OSBPL2: variants seen among roughly 807,000 people sequenced by gnomAD.
OSBPL2 encodes oxysterol-binding protein-related protein 2.
Under a neutral mutation model 58.4 loss-of-function variants are expected in OSBPL2, and 18 were observed. That is an observed-to-expected ratio of 0.31 (90% CI 0.21 to 0.46). The LOEUF (loss-of-function observed/expected upper bound fraction) is 0.46. Among genes scored for constraint, OSBPL2 ranks in the 20% least tolerant of loss-of-function variants. The pLI is 1.00. For missense variants in OSBPL2, 461 were observed against 616.5 expected (o/e 0.75, Z 2.67); for synonymous variants, 221 against 234.1 (o/e 0.94, Z 0.51).
chr20:62,273,513 CTGTT>C (rs1982199883), intron 6 of OSBPL2, 107 bp downstream of exon 6: 4 of 916,612 alleles, frequency 4.4e-6, no homozygotes, highest in Non-Finnish European at 6.8e-6. Flanking sequence ...TGAGAATAAA[CTGTT>C]TGAATTAAGA....
In OSBPL2 at chr20:62,280,072, G is replaced by A. The variant is rs1298467225; in HGVS notation, c.674+733G>A. On this transcript the variant is annotated intron_variant, in intron 7 of 13. Coordinates refer to ENST00000313733, the MANE Select transcript of OSBPL2 (RefSeq NM_144498.4). ...CAACAAATGCCGGCCGCTAAGACCC[G>A]ACAGACACAGACCGGATGCTGGCGT... The A allele has an allele frequency of 1.3e-5, 17 of 1,304,284 alleles. No homozygotes were observed. In the East Asian group the frequency reaches 2.2e-4, roughly 17 times the overall value. 80.8% of individuals were successfully genotyped at this position (1,304,284 alleles called of 1,614,324 possible).
intron 3 of OSBPL2, among the ~76,000 whole-genome samples, chr20:62,263,262 C>T (rs1156471673): frequency 6.6e-6 from 1 of 152,168 alleles, no homozygotes; most frequent in Non-Finnish European, 1.5e-5. Context: ...CTGGCCGCTG[C>T]CCCAGGGACC....
At chr20:62,245,055 CGT>C (rs1980010587) in intron 1 of OSBPL2, among the ~76,000 whole-genome samples, 1 of 151,752 alleles carries the variant, frequency 6.6e-6, no homozygotes, top group Non-Finnish European at 1.5e-5. Flanking sequence ...TTGAGCCATT[CGT>C]GTGTCCACGC....
intron 5 of OSBPL2, among the ~76,000 whole-genome samples, chr20:62,272,986 G>A (rs903429697): frequency 2.0e-5 from 3 of 152,240 alleles, no homozygotes; most frequent in Non-Finnish European, 4.4e-5. Flanking sequence ...TGCTTGGGGT[G>A]TGTGTGTTGA....
Position 62,288,549 on chromosome 20 carries a change from G to A in OSBPL2, c.1126-658G>A, listed in dbSNP as rs1983286307. Among the ~76,000 whole-genome samples, 1 of 148,178 alleles carries A rather than the reference G, an allele frequency of 6.7e-6. No individual in the cohort carries two copies. The highest frequency in any genetic ancestry group is 2.2e-4 in the South Asian group (1 of 4,584). ...GGGTGCAGAGGCTGGGAGGCTGTGGGTGCAGAGGCCGGAGGCTGTGGGTGC... is the reference window on the plus strand; with the variant it reads ...GGGTGCAGAGGCTGGGAGGCTGTGGATGCAGAGGCCGGAGGCTGTGGGTGC... On this transcript the variant is annotated intron_variant, in intron 11 of 13. Transcript: ENST00000313733. This position sits in a 1 kb window ranked among gnomAD's most constrained non-coding sequence, Gnocchi z 4.8.
chr20:62,247,231 C>T (rs1378995460), intron 1 of OSBPL2, among the ~76,000 whole-genome samples: 1 of 152,336 alleles, frequency 6.6e-6, no homozygotes, highest in South Asian at 2.1e-4. Context: ...ATGTGCACGT[C>T]GGCTTGAGTG....
chr20:62,251,203 C>T (rs952962829), intron 1 of OSBPL2, among the ~76,000 whole-genome samples: 2 of 151,432 alleles, frequency 1.3e-5, no homozygotes, highest in African/African-American at 2.4e-5. Context: ...GCCACTGCGC[C>T]GGCCACCACG....
chr20:62,292,733 C>T (rs927923351), intron 13 of OSBPL2, among the ~76,000 whole-genome samples: 26 of 152,298 alleles, frequency 1.7e-4, no homozygotes, highest in African/African-American at 4.6e-4. Flanking sequence ...CAATGATACC[C>T]GGTGGCTTAC....
intron 10 of OSBPL2, 141 bp downstream of exon 10, chr20:62,284,310 G>A: frequency 2.3e-6 from 2 of 882,754 alleles, no homozygotes; most frequent in Non-Finnish European, 3.6e-6. Context: ...GAATTTGTCT[G>A]TCCAGATGAA....
Position 62,238,584 on chromosome 20 carries a change from G to A in OSBPL2, c.-142G>A, listed in dbSNP as rs1453992190. The A allele has an allele frequency of 2.0e-5, 3 of 149,268 alleles. No individual in the cohort carries two copies. The highest frequency in any genetic ancestry group is 4.5e-5 in the Non-Finnish European group (3 of 66,882). 9.2% of individuals were successfully genotyped at this position (149,268 alleles called of 1,614,324 possible). On this transcript the variant is annotated 5_prime_UTR_variant, in exon 1 of 14. Transcript: ENST00000313733. ...GCAGTGAGCTCGGCCGGCAACCGAGGGACCCGCGTCCAGGTGAGTGGCCCC... is the reference window on the plus strand; with the variant it reads ...GCAGTGAGCTCGGCCGGCAACCGAGAGACCCGCGTCCAGGTGAGTGGCCCC...
intron 3 of OSBPL2, among the ~76,000 whole-genome samples, chr20:62,261,432 T>C (rs1339212013): frequency 6.6e-6 from 1 of 151,944 alleles, no homozygotes; most frequent in East Asian, 1.9e-4. Flanking sequence ...CTAATGTGTG[T>C]CTCAGCTCCA....
intron 1 of OSBPL2, among the ~76,000 whole-genome samples, chr20:62,246,246 C>G (rs181161363): frequency 6.6e-6 from 1 of 152,182 alleles, no homozygotes; most frequent in African/African-American, 2.4e-5. Flanking sequence ...CCAGGATGGG[C>G]GCCACTGCCG....
chr20:62,259,039 A>G (rs1981120644), intron 2 of OSBPL2: 1 of 152,224 alleles, frequency 6.6e-6, no homozygotes, highest in Non-Finnish European at 1.5e-5. Context: ...TGGCAGACTC[A>G]TCTGCGTGTG....
At chr20:62,291,655 G>C (rs781352989) in intron 12 of OSBPL2, 48 bp from the exon 13 acceptor site, 1 of 1,513,586 alleles carries the variant, frequency 6.6e-7, no homozygotes, top group South Asian at 1.1e-5. Flanking sequence ...GTGGCGGGGT[G>C]CGGTTCTAAG....
intron 1 of OSBPL2, among the ~76,000 whole-genome samples, chr20:62,254,937 G>GA (rs1364919087): frequency 1.8e-4 from 27 of 152,150 alleles, no homozygotes; most frequent in Admixed American, 1.8e-3. Context: ...AGGTAGTTGT[G>GA]AAATTTTAGA....
In OSBPL2 at chr20:62,255,098, CTT is replaced by C. The variant is rs11479147; in HGVS notation, c.-128-943_-128-942del. 4.4e-3 allele frequency: 591 copies of C among 134,390 alleles called. 17 individuals are homozygous for C. In the South Asian group the frequency reaches 0.086, roughly 20 times the overall value. 8.3% of individuals were successfully genotyped at this position (134,390 alleles called of 1,614,324 possible). On this transcript the variant is annotated intron_variant, in intron 1 of 13. Coordinates refer to ENST00000313733, the MANE Select transcript of OSBPL2 (RefSeq NM_144498.4). ...CTGCTCTCTCTGACTGCCCCCATGACTTTTTTTTTTTTTTTTTGAGATGGAGT... is the reference window on the plus strand; with the variant it reads ...CTGCTCTCTCTGACTGCCCCCATGACTTTTTTTTTTTTTTTGAGATGGAGT...
In OSBPL2 at chr20:62,288,943, G is replaced by T. The variant is rs1983314921; in HGVS notation, c.1126-264G>T. Among the ~76,000 whole-genome samples the T allele has an allele frequency of 6.6e-6, 1 of 152,168 alleles. No homozygotes were observed. On this transcript the variant is annotated intron_variant, in intron 11 of 13. Coordinates refer to ENST00000313733, the MANE Select transcript of OSBPL2 (RefSeq NM_144498.4). This position sits in a 1 kb window ranked among gnomAD's most constrained non-coding sequence, Gnocchi z 4.8. ...AAGCTGGTGACAAATCTGTTGATGA[G>T]ATTGTAAAGACAGAAAAAGAAATGT...
chr20:62,292,678 C>T (rs913838727), intron 13 of OSBPL2, among the ~76,000 whole-genome samples: 3 of 152,138 alleles, frequency 2.0e-5, no homozygotes, highest in African/African-American at 7.2e-5. Context: ...CATCTTAATT[C>T]TGTAGGCCAC....
At chr20:62,252,703 T>C (rs1031924828) in intron 1 of OSBPL2, among the ~76,000 whole-genome samples, 10 of 152,210 alleles carry the variant, frequency 6.6e-5, no homozygotes, top group African/African-American at 2.4e-4. Flanking sequence ...GTCGTTTAAT[T>C]AGGTCGCGGT....
Sources: gnomAD v4.1 joint callset for allele counts (sites outside exome capture counted in the v4.1 genomes callset) on GRCh38, gnomAD v4.1.1 for gene constraint, Gnocchi (gnomAD v3.1) non-coding constraint, MANE v1.5 for transcripts, NCBI Gene and HGNC (gene_info 2026-07-23, HGNC 2026-07-21) for gene names.